The following CACNA2D2 variants were observed in gnomAD, a reference collection of about 807,000 sequenced individuals.
CACNA2D2 encodes the protein voltage-dependent calcium channel subunit alpha-2/delta-2.
Under a neutral mutation model 166.4 loss-of-function variants are expected in CACNA2D2, and 48 were observed. The observed-to-expected ratio is 0.29, with a 90% CI of 0.23 to 0.37. CACNA2D2 has a LOEUF of 0.37. Among genes scored for constraint, CACNA2D2 ranks in the 10% least tolerant of loss-of-function variants. The pLI is 1.00. For missense variants in CACNA2D2, 1,122 were observed against 1,433.0 expected (o/e 0.78, Z 3.50); for synonymous variants, 561 against 573.7 (o/e 0.98, Z 0.32).
rs930038828 is a variant in CACNA2D2, at chr3:50,380,328, G to A, written c.843-310C>T. Reference sequence around the variant, plus strand: ...GTCCTCTGCCTCAGGTTGGGGCCCCGAGGGCACAGTCTAGCTGTGTATGGG... The same window carrying A: ...GTCCTCTGCCTCAGGTTGGGGCCCCAAGGGCACAGTCTAGCTGTGTATGGG... On this transcript the variant is annotated intron_variant, in intron 8 of 37. Transcript: ENST00000424201. The surrounding 1 kb of genome is among the most constrained non-coding windows in gnomAD (Gnocchi z 4.9). Among the ~76,000 whole-genome samples the A allele has an allele frequency of 2.6e-5, 4 of 152,196 alleles. No homozygotes were observed. The highest frequency in any genetic ancestry group is 4.8e-5 in the African/African-American group (2 of 41,438).
At chr3:50,449,400 G>C (rs929742328) in intron 2 of CACNA2D2, among the ~76,000 whole-genome samples, 2 of 152,222 alleles carry the variant, frequency 1.3e-5, no homozygotes, top group African/African-American at 2.4e-5. Context: ...TGATGCATGA[G>C]CAGTCGCCCA....
At chr3:50,374,414 AG>A (rs1339399131) in intron 22 of CACNA2D2, among the ~76,000 whole-genome samples, 1 of 63,514 alleles carries the variant, frequency 1.6e-5, no homozygotes, top group East Asian at 4.2e-4. Flanking sequence ...AGGTAAGGGG[AG>A]GGGGTGTCTT....
At chr3:50,487,075 T>C (rs1698318118) in intron 1 of CACNA2D2, among the ~76,000 whole-genome samples, 1 of 152,102 alleles carries the variant, frequency 6.6e-6, no homozygotes. Flanking sequence ...GGATGAGCAC[T>C]CTGAGGCCTG....
intron 3 of CACNA2D2, among the ~76,000 whole-genome samples, chr3:50,400,810 T>A (rs1706410819): frequency 6.6e-6 from 1 of 152,254 alleles, no homozygotes; most frequent in African/African-American, 2.4e-5. Flanking sequence ...GTCTCATCTT[T>A]ATTTTTTCCT....
chr3:50,415,831 A>G (rs1246427386), intron 3 of CACNA2D2: 2 of 152,278 alleles, frequency 1.3e-5, no homozygotes, highest in Non-Finnish European at 2.9e-5. Context: ...CCAGTGCATG[A>G]GAAAGGAATG....
At position 50,437,796 on chromosome 3, in the gene CACNA2D2, C is replaced by T. The variant is rs192744985; in HGVS notation, c.289-3367G>A. On this transcript the variant is annotated intron_variant, in intron 2 of 37. Transcript: ENST00000424201. Reference sequence around the variant, plus strand: ...GCCCCACTCCAGCCCCAGCCTCTAGCCCTGGCTCCTAGGGCCAGCTGGGAA... The same window carrying T: ...GCCCCACTCCAGCCCCAGCCTCTAGTCCTGGCTCCTAGGGCCAGCTGGGAA... Among the ~76,000 whole-genome samples the T allele has an allele frequency of 1.6e-4, 24 of 152,276 alleles. No homozygotes were observed. In the East Asian group the frequency reaches 3.1e-3, roughly 20 times the overall value.
intron 6 of CACNA2D2, among the ~76,000 whole-genome samples, chr3:50,383,008 C>G (rs773631224): frequency 1.8e-4 from 28 of 152,358 alleles, no homozygotes; most frequent in Non-Finnish European, 3.7e-4. Flanking sequence ...TCAGATCATG[C>G]TGAGTTGGGA....
intron 6 of CACNA2D2, 107 bp downstream of exon 6, chr3:50,384,089 G>T: frequency 7.2e-7 from 1 of 1,383,118 alleles, no homozygotes; most frequent in Non-Finnish European, 1.0e-6. Context: ...GGAGGCTGGA[G>T]GTAGATGGCA....
intron 2 of CACNA2D2, among the ~76,000 whole-genome samples, chr3:50,436,274 T>C (rs1708315160): frequency 1.3e-5 from 2 of 152,232 alleles, no homozygotes; most frequent in African/African-American, 4.8e-5. Context: ...GCCCGGCTTC[T>C]CCTGGCCTGG....
At position 50,374,794 on chromosome 3, in the gene CACNA2D2, G is replaced by A. The variant is rs764810522; in HGVS notation, c.1927C>T (p.Pro643Ser). Residue 643 changes from proline to serine, a missense_variant, in exon 22 of 38, where the codon CCC becomes TCC. By Grantham distance (74) the Pro-to-Ser change is moderately conservative. Around this residue, in one of 2 missense-constraint regions of CACNA2D2, gnomAD observed 840 missense variants for 1,166.8 expected, o/e 0.72. Coordinates refer to ENST00000424201, the MANE Select transcript of CACNA2D2 (RefSeq NM_006030.4). ...GCTTGGAGGTAGAAGGTGCTGTAGG[G>A]TGGGAGCACCAGCCCCAGGCTGAGG... ...TNYSLGLVLP[P>S]YSTFYLQANL... is the part of the protein sequence containing the mutation. 6.3e-7 allele frequency: 1 copy of A among 1,594,920 alleles called. No individual in the cohort carries two copies. Among genetic ancestry groups the A allele is most frequent in the Admixed American group, 1.7e-5 (1 of 57,346 alleles).
intron 2 of CACNA2D2, among the ~76,000 whole-genome samples, chr3:50,457,546 ATC>A (rs1178823026): frequency 1.3e-5 from 2 of 152,204 alleles, no homozygotes; most frequent in Admixed American, 1.3e-4. Flanking sequence ...TCCGCAGTCC[ATC>A]CCTGGCCCCA....
At chr3:50,502,076 G>C (rs2107199603) in intron 1 of CACNA2D2, among the ~76,000 whole-genome samples, 1 of 152,294 alleles carries the variant, frequency 6.6e-6, no homozygotes, top group African/African-American at 2.4e-5. Context: ...CTACGAACTG[G>C]AGTCGGCAGG....
At position 50,417,240 on chromosome 3, in the gene CACNA2D2, T is replaced by C. The variant is rs559585739; in HGVS notation, c.405+17073A>G. On this transcript the variant is annotated intron_variant, in intron 3 of 37. Transcript: ENST00000424201. ...ACCCCCATACATGCAGGCTCTGCCA[T>C]TGTGGCCCTGGCCCACACCTTAGCC... Among the ~76,000 whole-genome samples the C allele has an allele frequency of 5.4e-4, 82 of 152,284 alleles. No individual in the cohort carries two copies. In the South Asian group the frequency reaches 9.3e-3, roughly 17 times the overall value.
In CACNA2D2 at chr3:50,378,064, G is replaced by C; in HGVS notation, c.1423C>G (p.Leu475Val). ...YLDVLGRPMVLAGKEAKQVQW... is the reference protein window; with the variant it reads ...YLDVLGRPMVVAGKEAKQVQW... The stretch of plus-strand genomic sequence containing the variant: ...ACCTGCTTGGCCTCCTTGCCTGCCA[G>C]CACCATGGGCCTGCCCAACACATCT... The change falls in exon 15 of 38, where the codon CTG becomes GTG. Residue 475 changes from leucine to valine, a missense_variant. Coordinates refer to ENST00000424201, the MANE Select transcript of CACNA2D2 (RefSeq NM_006030.4). 6.2e-7 allele frequency: 1 copy of C among 1,613,672 alleles called. No individual in the cohort carries two copies. Among genetic ancestry groups the C allele is most frequent in the Non-Finnish European group, 8.5e-7 (1 of 1,180,020 alleles).
chr3:50,468,897 C>T (rs1485231895), intron 2 of CACNA2D2, among the ~76,000 whole-genome samples: 1 of 148,946 alleles, frequency 6.7e-6, no homozygotes, highest in African/African-American at 2.5e-5. Flanking sequence ...GGAGCGATCT[C>T]GGCTCACTGC....
At chr3:50,394,212 C>T in intron 3 of CACNA2D2, 44 bp from the exon 4 acceptor site, 1 of 1,544,112 alleles carries the variant, frequency 6.5e-7, no homozygotes. Context: ...AGGAAGGCAG[C>T]CTGCCCTATG....
Position 50,394,161 on chromosome 3 carries a change from G to A in CACNA2D2, c.413C>T (p.Ala138Val), listed in dbSNP as rs35497591. The change falls in exon 4 of 38, where the codon GCT (alanine) becomes GTT (valine). Residue 138 changes from alanine (A) to valine (V), a missense_variant. Transcript: ENST00000424201. The stretch of plus-strand genomic sequence containing the variant: ...TTTCTGGAAGTTCTCTGCAGCATCA[G>A]CCAGTCTCTGAGGGACAGAGCACAG... ...DRKVQALKRL[A>V]DAAENFQKAH... The A allele has an allele frequency of 1.5e-5, 25 of 1,613,912 alleles. No individual in the cohort carries two copies. The African/African-American group carries it at 2.9e-4, about 19-fold the overall frequency.
intron 1 of CACNA2D2, among the ~76,000 whole-genome samples, chr3:50,487,934 C>A (rs1326115478): frequency 6.6e-6 from 1 of 152,176 alleles, no homozygotes; most frequent in Non-Finnish European, 1.5e-5. Context: ...AGGGCAGATG[C>A]AGGCCTGTCC....
At chr3:50,429,592 CAAAAAAAAAAAAA>C (rs1160685582) in intron 3 of CACNA2D2, among the ~76,000 whole-genome samples, 12 of 52,646 alleles carry the variant, frequency 2.3e-4, no homozygotes, top group Non-Finnish European at 4.2e-4. Context: ...ACTAAAAATA[CAAAAAAAAAAAAA>C]AAAAAAAAAA....
Sources: allele counts gnomAD v4.1 joint callset (sites outside exome capture counted in the v4.1 genomes callset), GRCh38; gene constraint gnomAD v4.1.1; regional missense constraint gnomAD v4.1.1; non-coding constraint Gnocchi (gnomAD v3.1); transcripts MANE v1.5; gene names NCBI Gene and HGNC (gene_info 2026-07-23, HGNC 2026-07-21).